Variants in COPS2 observed in about 807,000 individuals in gnomAD.
The protein encoded by COPS2 is COP9 signalosome subunit 2.
In COPS2, 10 loss-of-function variants were observed where a neutral mutation model predicts 66.1. That is an observed-to-expected ratio of 0.15 (90% CI 0.09 to 0.26). The LOEUF is 0.26. Among genes scored for constraint, COPS2 ranks in the 10% least tolerant of loss-of-function variants. COPS2 has a pLI of 1.00. For missense variants in COPS2, 215 were observed against 513.3 expected (o/e 0.42, Z 5.62); for synonymous variants, 179 against 171.3 (o/e 1.04, Z -0.35).
chr15:49,153,001 A>ACATT (rs1200396187), intron 1 of COPS2, among the ~76,000 whole-genome samples: 1 of 152,202 alleles, frequency 6.6e-6, no homozygotes, highest in Non-Finnish European at 1.5e-5. Context: ...TTGCTACATT[A>ACATT]CATTCTCAAA....
At chr15:49,147,968 T>C (rs945808838) in intron 1 of COPS2, among the ~76,000 whole-genome samples, 1 of 152,200 alleles carries the variant, frequency 6.6e-6, no homozygotes, top group Non-Finnish European at 1.5e-5. Context: ...TTCCTTGTTA[T>C]GATCTGCAAC....
chr15:49,152,957 A>G (rs1357530855), intron 1 of COPS2, among the ~76,000 whole-genome samples: 1 of 152,256 alleles, frequency 6.6e-6, no homozygotes, highest in Non-Finnish European at 1.5e-5. Context: ...AAGTTAATCA[A>G]GTACTTCATG....
intron 3 of COPS2, 66 bp from the exon 4 acceptor site, chr15:49,139,719 A>G (rs1216173418): frequency 1.6e-6 from 2 of 1,217,986 alleles, no homozygotes; most frequent in African/African-American, 3.0e-5. Context: ...CACATGATTA[A>G]GGTTATAGAA....
chr15:49,130,125 T>A (rs963361043), intron 10 of COPS2, among the ~76,000 whole-genome samples: 2 of 152,146 alleles, frequency 1.3e-5, no homozygotes, highest in Non-Finnish European at 2.9e-5. Flanking sequence ...GAACAGAACA[T>A]TACTTCTGAT....
intron 1 of COPS2, among the ~76,000 whole-genome samples, chr15:49,153,887 A>G (rs560994025): frequency 6.6e-6 from 1 of 152,266 alleles, no homozygotes; most frequent in South Asian, 2.1e-4. Flanking sequence ...TGTGGGGGGA[A>G]GAGGAGTGGG....
intron 1 of COPS2, among the ~76,000 whole-genome samples, chr15:49,151,557 A>ACG (rs2084361907): frequency 6.6e-6 from 1 of 152,192 alleles, no homozygotes; most frequent in Non-Finnish European, 1.5e-5. Flanking sequence ...CGGAATTAAA[A>ACG]CAGTTAGCTT....
chr15:49,129,021 C>T (rs1199241971), intron 11 of COPS2, among the ~76,000 whole-genome samples: 1 of 152,114 alleles, frequency 6.6e-6, no homozygotes. Flanking sequence ...ATATTTTAGC[C>T]ACTACTTTCC....
At chr15:49,133,847 C>A in intron 8 of COPS2, 36 bp from the exon 9 acceptor site, 1 of 1,549,756 alleles carries the variant, frequency 6.5e-7, no homozygotes, top group African/African-American at 1.4e-5. Flanking sequence ...AATATATGTA[C>A]AAAGAAACAA....
intron 10 of COPS2, among the ~76,000 whole-genome samples, chr15:49,129,887 G>A (rs1300491002): frequency 1.3e-5 from 2 of 152,080 alleles, no homozygotes; most frequent in Non-Finnish European, 2.9e-5. Context: ...AGCCAGCCAA[G>A]TTCCTTGTTT....
At chr15:49,133,896 TGATAA>T in intron 8 of COPS2, 29 bp downstream of exon 8, 1 of 1,565,338 alleles carries the variant, frequency 6.4e-7, no homozygotes, top group Non-Finnish European at 8.7e-7. Context: ...TCCAGATAGC[TGATAA>T]GAGAAATTAA....
chr15:49,132,573 A>C (rs2084219534), intron 9 of COPS2, among the ~76,000 whole-genome samples: 1 of 83,542 alleles, frequency 1.2e-5, no homozygotes, highest in Non-Finnish European at 2.7e-5. Flanking sequence ...TATATCTGCA[A>C]AAAAAAAAAA....
At chr15:49,140,879 A>G (rs1284586394) in intron 3 of COPS2, among the ~76,000 whole-genome samples, 2 of 152,096 alleles carry the variant, frequency 1.3e-5, no homozygotes, top group African/African-American at 4.8e-5. Flanking sequence ...GCTTATGACA[A>G]TACATTCTGC....
Position 49,128,004 on chromosome 15 carries a change from T to C in COPS2, c.1278A>G (p.Lys426=). The C allele has an allele frequency of 1.2e-6, 2 of 1,614,054 alleles. No homozygotes were observed. The highest frequency in any genetic ancestry group is 1.7e-6 in the Non-Finnish European group (2 of 1,179,924). The part of the protein sequence containing the change: ...RGGARYTALD[K]WTNQLNSLNQ... ...TGAGAGAATTTAGTTGGTTGGTCCA[T>C]TTATCTAGTGCAGTATATCGTGCAC... The change falls in exon 13 of 13, where the codon AAA becomes AAG. Residue 426 remains lysine, a synonymous_variant. Coordinates refer to ENST00000388901, the MANE Select transcript of COPS2 (RefSeq NM_004236.4).
At chr15:49,131,558 C>T (rs1299505384) in intron 9 of COPS2, among the ~76,000 whole-genome samples, 1 of 151,912 alleles carries the variant, frequency 6.6e-6, no homozygotes, top group African/African-American at 2.4e-5. Context: ...ACTGCACGCC[C>T]TCTGCTAGTG....
intron 6 of COPS2, among the ~76,000 whole-genome samples, chr15:49,135,814 C>T (rs2084246420): frequency 6.6e-6 from 1 of 152,180 alleles, no homozygotes; most frequent in Non-Finnish European, 1.5e-5. Context: ...TTTCCCTGAA[C>T]ATACTTCCAT....
At chr15:49,128,627 A>G (rs1222705065) in intron 12 of COPS2, 75 bp downstream of exon 12, 2 of 1,048,552 alleles carry the variant, frequency 1.9e-6, no homozygotes, top group Non-Finnish European at 2.9e-6. Flanking sequence ...CAAGAATCCA[A>G]TTGTTACCTT....
chr15:49,124,660 C>G lies in COPS2; in HGVS notation c.*3290G>C, dbSNP rs1595817381. The G allele has an allele frequency of 6.6e-6, 1 of 152,178 alleles. No individual in the cohort carries two copies. The highest frequency in any genetic ancestry group is 1.9e-4 in the East Asian group (1 of 5,188). The allele number at this position is 152,178 out of a possible 1,614,324, so 9.4% of individuals were successfully genotyped here. ...CCTTTTTTTGTTATATACTTCAGTT[C>G]AAAATGTTTATCTTCTTCAAAATGC... On this transcript the variant is annotated 3_prime_UTR_variant, in exon 13 of 13. Transcript: ENST00000388901.
intron 12 of COPS2, 25 bp downstream of exon 12, chr15:49,128,677 T>C: frequency 1.3e-6 from 2 of 1,522,278 alleles, no homozygotes; most frequent in Middle Eastern, 1.7e-4. Flanking sequence ...AAATATTTTG[T>C]GATAAAAAAT....
At chr15:49,140,587 A>C (rs1450881248) in intron 3 of COPS2, among the ~76,000 whole-genome samples, 1 of 152,166 alleles carries the variant, frequency 6.6e-6, no homozygotes, top group African/African-American at 2.4e-5. Flanking sequence ...AGGAAACAAG[A>C]AAGGTCTAAA....
Sources: gnomAD v4.1 joint callset for allele counts (sites outside exome capture counted in the v4.1 genomes callset) on GRCh38, gnomAD v4.1.1 for gene constraint, MANE v1.5 for transcripts, NCBI Gene and HGNC (gene_info 2026-07-23, HGNC 2026-07-21) for gene names.